Variants in KRT79 observed in about 807,000 individuals in gnomAD.
KRT79 encodes the protein keratin 79.
A neutral mutation model predicts 49.0 loss-of-function variants in KRT79; 51 were observed. The observed-to-expected ratio is 1.04, with a 90% CI of 0.83 to 1.31. The LOEUF (loss-of-function observed/expected upper bound fraction) is 1.31. Among genes scored for constraint, KRT79 ranks in the 40% most tolerant of loss-of-function variants. The pLI, the probability that KRT79 is intolerant of heterozygous loss-of-function variation, is 0.00. For missense variants in KRT79, 728 were observed against 688.0 expected, an observed-to-expected ratio of 1.06 and a Z score of -0.65; for synonymous variants, 312 against 286.6, an observed-to-expected ratio of 1.09 and a Z score of -0.90.
chr12:52,829,745 A>T (rs1940223606), intron 4 of KRT79, among the ~76,000 whole-genome samples: 1 of 152,198 alleles, frequency 6.6e-6, no homozygotes, highest in African/African-American at 2.4e-5. Context: ...TACTAAAAAT[A>T]CAAAAATTAG....
In KRT79 at chr12:52,830,259, T is replaced by G; in HGVS notation, c.732A>C (p.Ala244=). ...YEDEINKHTA[A]ENEFVVLKKD... ...TCTTGAGCACCACAAACTCGTTCTC[T>G]GCAGCAGTGTGCTTGTTGATTTCAT... Residue 244 remains alanine, a synonymous_variant, in exon 3 of 9, where the codon GCA becomes GCC. Transcript: ENST00000330553. The G allele has an allele frequency of 6.2e-7, 1 of 1,614,252 alleles. No individual in the cohort carries two copies. The highest frequency in any genetic ancestry group is 8.5e-7 in the Non-Finnish European group (1 of 1,180,038).
Position 52,824,294 on chromosome 12 carries a change from G to A in KRT79, c.924C>T (p.Asn308=), listed in dbSNP as rs1430544059. ...NVVLSMDNNR[N]LDLDSIIAEV... ...CGGCGATGATGCTGTCCAGGTCCAG[G>A]TTGCGGTTGTTGTCCATGGACAGCA... Residue 308 remains asparagine, a synonymous_variant, in exon 5 of 9, where the codon AAC becomes AAT. Transcript: ENST00000330553. The A allele has an allele frequency of 6.2e-7, 1 of 1,614,220 alleles. No homozygotes were observed. The highest frequency in any genetic ancestry group is 8.5e-7 in the Non-Finnish European group (1 of 1,180,024).
At chr12:52,823,740 TC>T (rs1241370417) in intron 6 of KRT79, 146 bp downstream of exon 6, 10 of 915,058 alleles carry the variant, frequency 1.1e-5, no homozygotes, top group African/African-American at 6.7e-5. Context: ...TGCCTCAGTT[TC>T]CCCCCATGTA....
At chr12:52,822,141 G>A in intron 8 of KRT79, 64 bp from the exon 9 acceptor site, 1 of 1,526,102 alleles carries the variant, frequency 6.6e-7, no homozygotes, top group Non-Finnish European at 9.0e-7. Flanking sequence ...GGGAGACCCA[G>A]AAATCAGTGG....
At position 52,821,791 on chromosome 12, in the gene KRT79, G is replaced by A; in HGVS notation, c.*81C>T. 7.6e-7 allele frequency: 1 copy of A among 1,307,968 alleles called. No individual in the cohort carries two copies. The highest frequency in any genetic ancestry group is 2.4e-5 in the East Asian group (1 of 40,946). 81.0% of individuals were successfully genotyped at this position (1,307,968 alleles called of 1,614,324 possible). On this transcript the variant is annotated 3_prime_UTR_variant, in exon 9 of 9. Coordinates refer to ENST00000330553, the MANE Select transcript of KRT79 (RefSeq NM_175834.3). ...AGGTCCCCTGGCTGTTCCTGCTCCTGAGAAGTGACTGGAAAGGACAGCAGA... is the reference window on the plus strand; with the variant it reads ...AGGTCCCCTGGCTGTTCCTGCTCCTAAGAAGTGACTGGAAAGGACAGCAGA...
intron 5 of KRT79, 44 bp from the exon 6 acceptor site, chr12:52,824,056 C>T: frequency 6.2e-7 from 1 of 1,613,618 alleles, no homozygotes; most frequent in Non-Finnish European, 8.5e-7. Context: ...ATGGCCCCAG[C>T]CCACCCTCAC....
Position 52,823,081 on chromosome 12 carries a change from A to T in KRT79, c.1302T>A (p.Asn434Lys), listed in dbSNP as rs1476143736. Reference sequence around the variant, plus strand: ...TCTCCACGTCCAGGGCCAGCTTGACATTCATCAGCTCCTGGTAGTCACGCA... The same window carrying T: ...TCTCCACGTCCAGGGCCAGCTTGACTTTCATCAGCTCCTGGTAGTCACGCA... ...RLLRDYQELM[N>K]VKLALDVEIA... Residue 434 changes from asparagine to lysine, a missense_variant, in exon 7 of 9, where the codon AAT becomes AAA. Transcript: ENST00000330553. The T allele has an allele frequency of 6.2e-7, 1 of 1,614,100 alleles. No individual in the cohort carries two copies. Among genetic ancestry groups the T allele is most frequent in the Non-Finnish European group, 8.5e-7 (1 of 1,180,006 alleles).
At position 52,821,613 on chromosome 12, in the gene KRT79, C is replaced by CTCCGTATCATT; in HGVS notation, c.*258_*259insAATGATACGGA. 2 of 494,334 alleles carry CTCCGTATCATT rather than the reference C, an allele frequency of 4.0e-6. No homozygotes were observed. Among genetic ancestry groups the CTCCGTATCATT allele is most frequent in the South Asian group, 2.3e-5 (1 of 43,484 alleles). The allele number at this position is 494,334 out of a possible 1,614,324, so 30.6% of individuals were successfully genotyped here. A position where few individuals can be genotyped will look rare whatever the true frequency, so the allele number is the denominator to read the frequency against. ...AGAAATTCAGCCTCCTCTCGGTGGT[C>CTCCGTATCATT]AAAAGGTCACCCCCAAGTCACCCAA... On this transcript the variant is annotated 3_prime_UTR_variant, in exon 9 of 9. Coordinates refer to ENST00000330553, the MANE Select transcript of KRT79 (RefSeq NM_175834.3).
intron 1 of KRT79, among the ~76,000 whole-genome samples, chr12:52,833,504 T>C (rs561402902): frequency 4.5e-4 from 69 of 152,264 alleles, no homozygotes; most frequent in Non-Finnish European, 8.2e-4. Flanking sequence ...ATCGTATTAA[T>C]CATGGTGGTA....
At chr12:52,831,750 C>G in intron 1 of KRT79, 124 bp from the exon 2 acceptor site, 1 of 733,848 alleles carries the variant, frequency 1.4e-6, no homozygotes, top group South Asian at 1.7e-5. Context: ...GCCGCACCTA[C>G]ACTTTGCTGT....
chr12:52,827,873 C>A (rs1329444209), intron 4 of KRT79, among the ~76,000 whole-genome samples: 1 of 152,134 alleles, frequency 6.6e-6, no homozygotes, highest in African/African-American at 2.4e-5. Flanking sequence ...GATGAGAGAC[C>A]TTGGCCTTGT....
intron 1 of KRT79, 142 bp downstream of exon 1, chr12:52,833,642 G>T: frequency 1.3e-6 from 1 of 753,608 alleles, no homozygotes; most frequent in East Asian, 2.5e-5. Context: ...CGGCATCCCA[G>T]GCTCAGACCG....
At chr12:52,833,559 C>T (rs751364573) in intron 1 of KRT79, among the ~76,000 whole-genome samples, 1 of 152,152 alleles carries the variant, frequency 6.6e-6, no homozygotes, top group Non-Finnish European at 1.5e-5. Context: ...AAACCGGACT[C>T]ATGAGTAGAC....
At chr12:52,823,818 C>G (rs1039972671) in intron 6 of KRT79, 69 bp downstream of exon 6, 1 of 1,546,626 alleles carries the variant, frequency 6.5e-7, no homozygotes, top group Non-Finnish European at 8.7e-7. Context: ...GGCCTAGCCC[C>G]TCGGGGTGAC....
rs549823618 is a variant in KRT79 at position 52,824,459 on chromosome 12, G to T, written c.856-97C>A. 47 of 1,263,010 alleles carry T rather than the reference G, an allele frequency of 3.7e-5. No individual in the cohort carries two copies. The African/African-American group carries it at 4.1e-4, about 11-fold the overall frequency. 78.2% of individuals were successfully genotyped at this position (1,263,010 alleles called of 1,614,324 possible). On this transcript the variant is annotated intron_variant, in intron 4 of 8. Coordinates refer to ENST00000330553, the MANE Select transcript of KRT79 (RefSeq NM_175834.3). ...ATGGGCCCCCAGGTAGCATCAGGAG[G>T]CCTGTGCTCTTGTCCAGGCTCCAGC...
At chr12:52,825,824 T>C (rs1183680793) in intron 4 of KRT79, among the ~76,000 whole-genome samples, 1 of 152,198 alleles carries the variant, frequency 6.6e-6, no homozygotes, top group Non-Finnish European at 1.5e-5. Context: ...GTAGCTGATG[T>C]AGCAGCTGAG....
chr12:52,829,941 G>T, intron 4 of KRT79, 82 bp downstream of exon 4: 2 of 1,160,492 alleles, frequency 1.7e-6, no homozygotes, highest in South Asian at 1.2e-5. Context: ...TTGCACTGGT[G>T]AATTCAGGTC....
chr12:52,824,010 A>C lies in KRT79; in HGVS notation c.1023T>G (p.Tyr341Ter), dbSNP rs200957413. 19 of 1,613,922 alleles carry C rather than the reference A, an allele frequency of 1.2e-5. No homozygotes were observed. Among genetic ancestry groups the C allele is most frequent in the Non-Finnish European group, 1.5e-5 (18 of 1,179,996 alleles). The change falls in exon 6 of 9, where the codon TAT becomes TAG. Residue 341 changes from tyrosine (Y) to a stop codon, truncating the protein, a stop_gained and splice_region_variant. Coordinates refer to ENST00000330553, the MANE Select transcript of KRT79 (RefSeq NM_175834.3). LOFTEE classifies it high-confidence loss of function. ...TCCCAGCAGTCACCTGCAGCTCCTC[A>C]TACTGGGGACCAAAGAAGTGGCAGT... ...AEAEAWYQTK[Y>*]EELQVTAGKH...
chr12:52,830,725 A>T (rs1417005002), intron 2 of KRT79, among the ~76,000 whole-genome samples: 1 of 152,238 alleles, frequency 6.6e-6, no homozygotes, highest in Non-Finnish European at 1.5e-5. Flanking sequence ...GGGAAAAGTC[A>T]TTTTTAAATG....
Sources: allele counts gnomAD v4.1 joint callset (sites outside exome capture counted in the v4.1 genomes callset), GRCh38; gene constraint gnomAD v4.1.1; transcripts MANE v1.5; gene names NCBI Gene and HGNC (gene_info 2026-07-23, HGNC 2026-07-21).